The following STK33 variants were observed in gnomAD, a reference collection of about 807,000 sequenced individuals.
The protein encoded by STK33 is serine/threonine kinase 33.
A neutral mutation model predicts 58.0 loss-of-function variants in STK33; 52 were observed. The observed-to-expected ratio is 0.90, with a 90% CI of 0.72 to 1.13. The LOEUF is 1.13. Among genes scored for constraint, STK33 ranks in the 50% most tolerant of loss-of-function variants. STK33 has a pLI of 0.00. For missense variants in STK33, 630 were observed against 604.2 expected, an observed-to-expected ratio of 1.04 and a Z score of -0.45; for synonymous variants, 215 against 200.1, an observed-to-expected ratio of 1.07 and a Z score of -0.63.
chr11:8,438,044 T>C (rs1008300569), intron 12 of STK33, among the ~76,000 whole-genome samples: 4 of 152,224 alleles, frequency 2.6e-5, no homozygotes, highest in African/African-American at 9.7e-5. Context: ...AGCAAAGGCC[T>C]AGTTCATTGA....
At chr11:8,464,593 C>T (rs1947945586) in intron 7 of STK33, 116 bp downstream of exon 7, 1 of 646,034 alleles carries the variant, frequency 1.5e-6, no homozygotes, top group Non-Finnish European at 2.6e-6. Flanking sequence ...GGGGATCAGC[C>T]CAGGCCTGGG....
intron 14 of STK33, among the ~76,000 whole-genome samples, chr11:8,423,024 T>A (rs187948621): frequency 7.1e-4 from 106 of 149,616 alleles, no homozygotes; most frequent in African/African-American, 2.4e-3. Flanking sequence ...AAATTTTTTG[T>A]AGGGACAGGG....
At chr11:8,550,551 T>G (rs1421796932) in intron 1 of STK33, among the ~76,000 whole-genome samples, 1 of 152,216 alleles carries the variant, frequency 6.6e-6, no homozygotes, top group Non-Finnish European at 1.5e-5. Context: ...GTCACCTAAG[T>G]GCTTTGCTGC....
intron 2 of STK33, among the ~76,000 whole-genome samples, chr11:8,478,126 G>A (rs1477324273): frequency 6.6e-6 from 1 of 152,122 alleles, no homozygotes; most frequent in East Asian, 1.9e-4. Context: ...TTTACGAATT[G>A]ATCTGAAAGA....
the STK33 span, among the ~76,000 whole-genome samples, chr11:8,346,854 C>T: frequency 1.3e-5 from 2 of 152,102 alleles, no homozygotes; most frequent in Non-Finnish European, 2.9e-5. Context: ...CAGGAAGGCC[C>T]GAGCTCTGGA....
chr11:8,462,462 CACACACACACAT>C (rs1947665177), intron 7 of STK33, among the ~76,000 whole-genome samples: 3 of 146,456 alleles, frequency 2.0e-5, no homozygotes, highest in Non-Finnish European at 4.6e-5. Context: ...CACACACACA[CACACACACACAT>C]ATATATATAT....
intron 1 of STK33, among the ~76,000 whole-genome samples, chr11:8,513,206 C>T (rs1952483896): frequency 6.6e-6 from 1 of 152,180 alleles, no homozygotes; most frequent in Non-Finnish European, 1.5e-5. Flanking sequence ...CACCCTACAG[C>T]TTGCTTCTGC....
chr11:8,368,855 C>G, the STK33 span, among the ~76,000 whole-genome samples: 7 of 152,384 alleles, frequency 4.6e-5, no homozygotes, highest in Admixed American at 4.6e-4. Flanking sequence ...ATGAAATAAG[C>G]ATGCCCTTTC....
chr11:8,580,648 A>G (rs2029984290), intron 1 of STK33, among the ~76,000 whole-genome samples: 2 of 152,180 alleles, frequency 1.3e-5, no homozygotes, highest in African/African-American at 4.8e-5. Flanking sequence ...AACACAAAGG[A>G]TAAATGTTTA....
chr11:8,429,598 T>TAC (rs1207599876), intron 14 of STK33, among the ~76,000 whole-genome samples: 4 of 152,138 alleles, frequency 2.6e-5, no homozygotes, highest in African/African-American at 9.7e-5. Flanking sequence ...ACCCCAGTCC[T>TAC]ACTTCAGTTC....
chr11:8,385,760 G>C, the STK33 span, among the ~76,000 whole-genome samples: 1 of 151,632 alleles, frequency 6.6e-6, no homozygotes, highest in Non-Finnish European at 1.5e-5. Flanking sequence ...ATGAATGACT[G>C]AGTCTCTCAA....
the STK33 span, among the ~76,000 whole-genome samples, chr11:8,377,959 CA>C: frequency 6.6e-6 from 1 of 152,170 alleles, no homozygotes. Flanking sequence ...ATAGGTGACA[CA>C]AACAACTAGA....
chr11:8,402,944 T>C (rs1379782378), intron 15 of STK33, among the ~76,000 whole-genome samples: 1 of 152,214 alleles, frequency 6.6e-6, no homozygotes, highest in Non-Finnish European at 1.5e-5. Flanking sequence ...TGCAATTTTA[T>C]AGTTTTGTAA....
At chr11:8,449,330 A>G (rs1945955238) in intron 11 of STK33, among the ~76,000 whole-genome samples, 1 of 151,674 alleles carries the variant, frequency 6.6e-6, no homozygotes, top group African/African-American at 2.4e-5. Flanking sequence ...AGACACATGC[A>G]CACATATGTT....
chr11:8,561,366 C>A (rs1023276393), intron 1 of STK33, among the ~76,000 whole-genome samples: 1 of 152,198 alleles, frequency 6.6e-6, no homozygotes, highest in African/African-American at 2.4e-5. Context: ...TGTTCAACTG[C>A]CTCCTGGCTT....
rs375130494 is a variant in STK33 at position 8,525,060 on chromosome 11, A to C, written c.-465-44446T>G. Among the ~76,000 whole-genome samples, 24 of 152,272 alleles carry C rather than the reference A, an allele frequency of 1.6e-4. No homozygotes were observed. The East Asian group carries it at 4.2e-3, about 27-fold the overall frequency. ...GTGAAAGAATAAATCTAACAAAAAG[A>C]TAGAACTTTAAGCAGAAAACTGTAA... On this transcript the variant is annotated intron_variant, in intron 1 of 15. Transcript: ENST00000687296.
chr11:8,544,314 A>AAATATGTATAT (rs1955746335), intron 1 of STK33, among the ~76,000 whole-genome samples: 14 of 144,910 alleles, frequency 9.7e-5, no homozygotes, highest in East Asian at 4.0e-4. Flanking sequence ...ATATATATAA[A>AAATATGTATAT]ATATGTATAT....
intron 1 of STK33, among the ~76,000 whole-genome samples, chr11:8,555,605 T>C (rs950592570): frequency 6.6e-6 from 1 of 151,796 alleles, no homozygotes; most frequent in African/African-American, 2.4e-5. Flanking sequence ...GCAGAGCTTG[T>C]GGGGAGCTGA....
At chr11:8,362,149 C>A in the STK33 span, among the ~76,000 whole-genome samples, 13 of 152,152 alleles carry the variant, frequency 8.5e-5, no homozygotes, top group African/African-American at 2.9e-4. Context: ...AGGGCCGGGG[C>A]CCAGCGACTG....
Sources: allele counts gnomAD v4.1 joint callset (sites outside exome capture counted in the v4.1 genomes callset), GRCh38; gene constraint gnomAD v4.1.1; transcripts MANE v1.5; gene names NCBI Gene and HGNC (gene_info 2026-07-23, HGNC 2026-07-21).